ZBBX: variants seen among roughly 807,000 people sequenced by gnomAD.
The protein encoded by ZBBX is zinc finger B-box domain containing, also known as zinc finger B-box domain-containing protein 1.
A neutral mutation model predicts 108.5 loss-of-function variants in ZBBX; 101 were observed. The observed-to-expected ratio is 0.93, with a 90% CI of 0.79 to 1.10. The LOEUF (loss-of-function observed/expected upper bound fraction) is 1.10, where lower values mean the gene tolerates loss of function less well. Among genes scored for constraint, ZBBX ranks in the 50% least tolerant of loss-of-function variants. The pLI is 0.00. For synonymous variants in ZBBX, 356 were observed against 323.4 expected (o/e 1.10, Z -1.08); for missense variants, 1,009 against 941.4 (o/e 1.07, Z -0.94).
intron 18 of ZBBX, among the ~76,000 whole-genome samples, chr3:167,297,989 A>T (rs1031997771): frequency 4.6e-5 from 7 of 152,058 alleles, no homozygotes; most frequent in Non-Finnish European, 7.4e-5. Flanking sequence ...CATACTACTT[A>T]TACAGCTTGC....
Position 167,367,723 on chromosome 3 carries a change from G to A in ZBBX, c.182+738C>T, listed in dbSNP as rs540304428. 3.2e-3 allele frequency among the ~76,000 whole-genome samples: 484 copies of A among 151,412 alleles called. 2 individuals are homozygous for A. Among genetic ancestry groups the A allele is most frequent in the African/African-American group, 0.011 (464 of 41,440 alleles). ...GGAGAAAATTTTTAGTCATTAAAATGGGTGCTAGAAAATGGGCTGGGAGTT... is the reference window on the plus strand; with the variant it reads ...GGAGAAAATTTTTAGTCATTAAAATAGGTGCTAGAAAATGGGCTGGGAGTT... On this transcript the variant is annotated intron_variant, in intron 5 of 21. Transcript: ENST00000675490.
the ZBBX span, among the ~76,000 whole-genome samples, chr3:167,217,319 C>A: frequency 2.0e-5 from 3 of 152,064 alleles, no homozygotes; most frequent in African/African-American, 7.2e-5. Context: ...TGAACAGACA[C>A]TTCTCAAAGG....
At chr3:167,222,175 T>C in the ZBBX span, among the ~76,000 whole-genome samples, 3 of 149,678 alleles carry the variant, frequency 2.0e-5, no homozygotes, top group Non-Finnish European at 4.4e-5. Context: ...AACAGATGAA[T>C]AGATAAAGAA....
At chr3:167,186,369 T>G in the ZBBX span, among the ~76,000 whole-genome samples, 1 of 151,734 alleles carries the variant, frequency 6.6e-6, no homozygotes, top group Non-Finnish European at 1.5e-5. Context: ...CATAGTGCTA[T>G]GTACTCAAAT....
chr3:167,299,674 T>C (rs1191586094), intron 17 of ZBBX, among the ~76,000 whole-genome samples: 1 of 152,158 alleles, frequency 6.6e-6, no homozygotes, highest in African/African-American at 2.4e-5. Context: ...AGTACTACCT[T>C]ACACAGAAAT....
the ZBBX span, among the ~76,000 whole-genome samples, chr3:167,216,541 T>A: frequency 6.6e-6 from 1 of 152,120 alleles, no homozygotes; most frequent in Admixed American, 6.6e-5. Flanking sequence ...AAAATGGCTA[T>A]CCTGCCCAAA....
chr3:167,285,026 G>T (rs1729463904), intron 19 of ZBBX, among the ~76,000 whole-genome samples: 1 of 152,022 alleles, frequency 6.6e-6, no homozygotes, highest in Non-Finnish European at 1.5e-5. Flanking sequence ...GGAGTAACAT[G>T]CGCCATCACT....
intron 20 of ZBBX, among the ~76,000 whole-genome samples, chr3:167,250,540 T>TC (rs899714078): frequency 6.6e-6 from 1 of 151,690 alleles, no homozygotes; most frequent in African/African-American, 2.4e-5. Context: ...AACTTTTTTT[T>TC]TTTTTTACTC....
At chr3:167,345,690 T>C (rs1365312370) in intron 9 of ZBBX, among the ~76,000 whole-genome samples, 4 of 151,786 alleles carry the variant, frequency 2.6e-5, no homozygotes, top group African/African-American at 4.8e-5. Context: ...TTATTGACTT[T>C]CTTCACATAA....
chr3:167,348,053 C>T (rs1414231852), intron 9 of ZBBX, among the ~76,000 whole-genome samples: 1 of 151,804 alleles, frequency 6.6e-6, no homozygotes, highest in Non-Finnish European at 1.5e-5. Context: ...TTATTAGGAA[C>T]TTAAATACCA....
intron 4 of ZBBX, among the ~76,000 whole-genome samples, chr3:167,372,140 G>A (rs1381935763): frequency 6.6e-6 from 1 of 152,184 alleles, no homozygotes; most frequent in Non-Finnish European, 1.5e-5. Flanking sequence ...GAGGCCGGGA[G>A]GTGGAGGTTG....
At chr3:167,191,840 C>A in the ZBBX span, among the ~76,000 whole-genome samples, 1 of 136,888 alleles carries the variant, frequency 7.3e-6, no homozygotes, top group African/African-American at 2.7e-5. Flanking sequence ...TTTACTTGTT[C>A]CTTTTCATTT....
At chr3:167,404,600 A>G (rs1198761079) in intron 1 of ZBBX, among the ~76,000 whole-genome samples, 2 of 152,162 alleles carry the variant, frequency 1.3e-5, no homozygotes, top group Admixed American at 1.3e-4. Context: ...AACAGAAGGG[A>G]CAAGGAAAAG....
chr3:167,381,147 A>T (rs1247106274), upstream of ZBBX, among the ~76,000 whole-genome samples: 1 of 151,944 alleles, frequency 6.6e-6, no homozygotes, highest in Non-Finnish European at 1.5e-5. Context: ...TACTTTTGAC[A>T]TTACTATGCC....
At chr3:167,257,923 G>T (rs1187305854) in intron 20 of ZBBX, among the ~76,000 whole-genome samples, 1 of 152,062 alleles carries the variant, frequency 6.6e-6, no homozygotes, top group Non-Finnish European at 1.5e-5. Flanking sequence ...TGTATAGATT[G>T]TGAAGATTTT....
At chr3:167,324,400 C>T (rs180874488) in intron 11 of ZBBX, among the ~76,000 whole-genome samples, 1 of 152,218 alleles carries the variant, frequency 6.6e-6, no homozygotes, top group African/African-American at 2.4e-5. Flanking sequence ...AAGTTACAGA[C>T]ATAAGCCAGC....
At chr3:167,282,884 C>A (rs962411125) in intron 19 of ZBBX, among the ~76,000 whole-genome samples, 1 of 152,106 alleles carries the variant, frequency 6.6e-6, no homozygotes, top group Admixed American at 6.6e-5. Flanking sequence ...AAACTTAATA[C>A]CTTGTAAGAA....
At chr3:167,380,866 G>GCACACACACA (rs59349359), upstream of ZBBX, among the ~76,000 whole-genome samples, 2,211 of 141,392 alleles carry the variant, frequency 0.016, 21 homozygotes, top group East Asian at 0.037. Context: ...GCAAATATAT[G>GCACACACACA]CACACACACA....
At chr3:167,383,527 G>T (rs1442672301), upstream of ZBBX, among the ~76,000 whole-genome samples, 1 of 152,036 alleles carries the variant, frequency 6.6e-6, no homozygotes, top group Non-Finnish European at 1.5e-5. Flanking sequence ...AGAGTTAAGA[G>T]GTGACATTGG....
Sources: allele counts gnomAD v4.1 joint callset (sites outside exome capture counted in the v4.1 genomes callset), GRCh38; gene constraint gnomAD v4.1.1; transcripts MANE v1.5; gene names NCBI Gene and HGNC (gene_info 2026-07-23, HGNC 2026-07-21).